The following SLC5A11 variants were observed in gnomAD, a reference collection of about 807,000 sequenced individuals.
SLC5A11 encodes the protein solute carrier family 5 member 11.
Under a neutral mutation model 69.8 loss-of-function variants are expected in SLC5A11, and 48 were observed. That is an observed-to-expected ratio of 0.69 (90% CI 0.55 to 0.87). SLC5A11 has a LOEUF of 0.87. Ranked by LOEUF, SLC5A11 falls within the 40% of genes least tolerant of loss-of-function variation. The pLI is 0.00. For missense variants in SLC5A11, 784 were observed against 866.1 expected (o/e 0.91, Z 1.19); for synonymous variants, 319 against 342.4 (o/e 0.93, Z 0.75).
chr16:24,910,309 A>G, exon 15 of SLC5A11: 2 of 1,614,016 alleles, frequency 1.2e-6, no homozygotes, highest in Non-Finnish European at 8.5e-7. Context: ...TCCTTAGGTC[A>G]GCCACCTGAC....
chr16:24,867,671 G>C (rs1412086205), intron 3 of SLC5A11, among the ~76,000 whole-genome samples: 1 of 151,920 alleles, frequency 6.6e-6, no homozygotes, highest in Non-Finnish European at 1.5e-5. Flanking sequence ...AATTAGAAAT[G>C]AAAAAGGGGG....
chr16:24,888,732 C>G (rs1042818973), intron 8 of SLC5A11, among the ~76,000 whole-genome samples: 1 of 144,740 alleles, frequency 6.9e-6, no homozygotes, highest in Admixed American at 7.1e-5. Context: ...GATCTGCCCA[C>G]TTTGGCCTCC....
At chr16:24,846,902 TA>T (rs2059038869) in intron 1 of SLC5A11, 1 of 152,262 alleles carries the variant, frequency 6.6e-6, no homozygotes, top group Admixed American at 6.5e-5. Flanking sequence ...TCTTCACTGG[TA>T]CGTGTCAGAC....
At chr16:24,898,072 G>T (rs776411705) in exon 10 of SLC5A11, 1 of 1,614,144 alleles carries the variant, frequency 6.2e-7, no homozygotes, top group Non-Finnish European at 8.5e-7. Flanking sequence ...TCTTCATAAT[G>T]GTGTTCCCTG....
At chr16:24,877,843 G>C (rs1317306890) in intron 7 of SLC5A11, among the ~76,000 whole-genome samples, 2 of 152,196 alleles carry the variant, frequency 1.3e-5, no homozygotes, top group Non-Finnish European at 2.9e-5. Context: ...AATTAGCCAG[G>C]CATGATGGCC....
rs7187303 is a variant in SLC5A11, at chr16:24,883,338, C to T, written c.584-713C>T. On this transcript the variant is annotated intron_variant, in intron 7 of 15. Transcript: ENST00000347898. ...TATGATCACGCCACTACACTCCAGC[C>T]TGGGTTGACAGAGTGAGACCCTGGC... 8.2e-3 allele frequency among the ~76,000 whole-genome samples: 1,254 copies of T among 152,216 alleles called. 21 individuals are homozygous for T. The highest frequency in any genetic ancestry group is 0.028 in the African/African-American group (1,179 of 41,538).
At chr16:24,871,025 G>A (rs986340971) in intron 4 of SLC5A11, among the ~76,000 whole-genome samples, 1 of 152,044 alleles carries the variant, frequency 6.6e-6, no homozygotes, top group African/African-American at 2.4e-5. Context: ...TTTTACTGGG[G>A]TCAGGGCAGG....
intron 7 of SLC5A11, among the ~76,000 whole-genome samples, chr16:24,880,665 C>T (rs758115011): frequency 2.6e-5 from 4 of 152,014 alleles, no homozygotes; most frequent in Non-Finnish European, 4.4e-5. Flanking sequence ...AACCAATTCT[C>T]ATGAGAACTC....
intron 5 of SLC5A11, 40 bp downstream of exon 6, chr16:24,872,259 T>C (rs775609965): frequency 1.9e-6 from 3 of 1,610,774 alleles, no homozygotes; most frequent in Admixed American, 1.7e-5. Flanking sequence ...AATTGAAAGA[T>C]GCTTTGGGAA....
intron 9 of SLC5A11, among the ~76,000 whole-genome samples, chr16:24,893,116 CA>C (rs58331547): frequency 4.2e-3 from 411 of 98,950 alleles, no homozygotes; most frequent in South Asian, 6.5e-3. Context: ...ACTAAAAATA[CA>C]AAAAAAAAAA....
At chr16:24,910,925 T>C (rs1396175549) in intron 15 of SLC5A11, among the ~76,000 whole-genome samples, 2 of 152,054 alleles carry the variant, frequency 1.3e-5, no homozygotes, top group African/African-American at 4.8e-5. Flanking sequence ...TCCCAGCACT[T>C]TGGGAGGCCG....
chr16:24,892,642 T>G (rs1440348842), intron 9 of SLC5A11, among the ~76,000 whole-genome samples: 2 of 152,148 alleles, frequency 1.3e-5, no homozygotes, highest in Non-Finnish European at 2.9e-5. Flanking sequence ...ATATCACGTG[T>G]TCAAATATTA....
At chr16:24,907,398 G>A (rs1193279031) in intron 12 of SLC5A11, among the ~76,000 whole-genome samples, 1 of 152,156 alleles carries the variant, frequency 6.6e-6, no homozygotes, top group African/African-American at 2.4e-5. Context: ...ATGGAGCCAG[G>A]GAAGGAGGAG....
At chr16:24,904,572 AC>A (rs2152411628) in intron 10 of SLC5A11, among the ~76,000 whole-genome samples, 1 of 151,980 alleles carries the variant, frequency 6.6e-6, no homozygotes, top group East Asian at 1.9e-4. Context: ...AAGGTTGAGA[AC>A]CCCAGGTCTA....
chr16:24,849,976 G>A (rs2059228916), intron 1 of SLC5A11, among the ~76,000 whole-genome samples: 1 of 151,814 alleles, frequency 6.6e-6, no homozygotes, highest in South Asian at 2.1e-4. Flanking sequence ...TATTATTTGA[G>A]ACAGGGTCTG....
chr16:24,894,474 TCA>T (rs1423427946), intron 9 of SLC5A11, among the ~76,000 whole-genome samples: 1 of 152,146 alleles, frequency 6.6e-6, no homozygotes, highest in African/African-American at 2.4e-5. Context: ...TCCTCTTAGC[TCA>T]CTTTTTCCCC....
intron 9 of SLC5A11, among the ~76,000 whole-genome samples, chr16:24,894,073 A>T (rs2048989480): frequency 6.6e-6 from 1 of 152,226 alleles, no homozygotes; most frequent in Non-Finnish European, 1.5e-5. Flanking sequence ...AAGCACAGTT[A>T]TCATCCCCAT....
chr16:24,911,563 G>A, exon 16 of SLC5A11: 1 of 1,606,546 alleles, frequency 6.2e-7, no homozygotes. Flanking sequence ...TCCAAACTCT[G>A]TTTCTCTTCA....
In SLC5A11 at chr16:24,859,802, C is replaced by T. The variant is rs146370554; in HGVS notation, c.135+1024C>T. Among the ~76,000 whole-genome samples, 31 of 152,250 alleles carry T rather than the reference C, an allele frequency of 2.0e-4. No individual in the cohort carries two copies. In the East Asian group the frequency reaches 6.0e-3, roughly 29 times the overall value. ...TGTAATTTATTTAACTAGTCTCGGG[C>T]TGAAGGTCATTTGGATTGTTTCCAA... On this transcript the variant is annotated intron_variant, in intron 2 of 15. Transcript: ENST00000347898.
Sources: gnomAD v4.1 joint callset for allele counts (sites outside exome capture counted in the v4.1 genomes callset) on GRCh38, gnomAD v4.1.1 for gene constraint, MANE v1.5 for transcripts, NCBI Gene and HGNC (gene_info 2026-07-23, HGNC 2026-07-21) for gene names.